Variants in CFAP96 observed in about 807,000 individuals in gnomAD.
The protein encoded by CFAP96 is cilia-and flagella-associated protein 96.
the CFAP96 span, chr4:185,425,757 C>T: frequency 2.0e-6 from 3 of 1,514,386 alleles, no homozygotes; most frequent in African/African-American, 1.4e-5. Flanking sequence ...CAGCTGCCAT[C>T]TTGGACCCCG....
the CFAP96 span, among the ~76,000 whole-genome samples, chr4:185,421,168 G>T: frequency 3.3e-5 from 5 of 152,186 alleles, no homozygotes; most frequent in Non-Finnish European, 5.9e-5. Context: ...GTTTAATGTA[G>T]TCTGGTGGCA....
chr4:185,442,611 T>C, the CFAP96 span, among the ~76,000 whole-genome samples: 2 of 152,192 alleles, frequency 1.3e-5, no homozygotes, highest in Non-Finnish European at 2.9e-5. Flanking sequence ...CTCATATATA[T>C]GTATTTTTTT....
At chr4:185,438,887 A>G in the CFAP96 span, among the ~76,000 whole-genome samples, 1 of 152,182 alleles carries the variant, frequency 6.6e-6, no homozygotes, top group Non-Finnish European at 1.5e-5. Context: ...GATGGCAACC[A>G]CCACAATTCC....
At chr4:185,418,298 A>G in the CFAP96 span, 1 of 606,346 alleles carries the variant, frequency 1.6e-6, no homozygotes, top group Admixed American at 3.5e-5. Flanking sequence ...CAAACATATA[A>G]CTTTTGGCAA....
chr4:185,436,488 G>T, the CFAP96 span: 1 of 609,058 alleles, frequency 1.6e-6, no homozygotes, highest in Non-Finnish European at 2.9e-6. Flanking sequence ...GAGATGGGCG[G>T]ATCACGAGGT....
At chr4:185,434,814 C>G in the CFAP96 span, among the ~76,000 whole-genome samples, 2 of 152,088 alleles carry the variant, frequency 1.3e-5, no homozygotes, top group Admixed American at 6.6e-5. Flanking sequence ...TCTCAGCTCA[C>G]TGCAATCTCC....
chr4:185,440,032 ATTTT>A, the CFAP96 span, among the ~76,000 whole-genome samples: 1 of 148,284 alleles, frequency 6.7e-6, no homozygotes, highest in Non-Finnish European at 1.5e-5. Context: ...TATACATATA[ATTTT>A]TTTAATTATA....
At chr4:185,416,021 AAGG>A in the CFAP96 span, 1 of 548,874 alleles carries the variant, frequency 1.8e-6, no homozygotes, top group Non-Finnish European at 3.0e-6. Flanking sequence ...AGTAGAGAAC[AAGG>A]AGTTCAATCT....
At chr4:185,409,312 T>C in the CFAP96 span, among the ~76,000 whole-genome samples, 1 of 152,198 alleles carries the variant, frequency 6.6e-6, no homozygotes, top group Non-Finnish European at 1.5e-5. Context: ...TTCTTACTTA[T>C]AGTGCTAAGA....
chr4:185,436,396 T>C, the CFAP96 span: 11 of 1,391,688 alleles, frequency 7.9e-6, no homozygotes, highest in African/African-American at 2.9e-5. Flanking sequence ...ACCTTTCTTT[T>C]ATTTAGCTAA....
chr4:185,411,360 T>C, the CFAP96 span, among the ~76,000 whole-genome samples: 1 of 152,066 alleles, frequency 6.6e-6, no homozygotes, highest in African/African-American at 2.4e-5. Flanking sequence ...CACTCTTATA[T>C]AAACTTCTCT....
chr4:185,441,082 C>G, the CFAP96 span, among the ~76,000 whole-genome samples: 5 of 151,920 alleles, frequency 3.3e-5, no homozygotes, highest in Non-Finnish European at 7.4e-5. Context: ...TCCAGAGTAG[C>G]TGAGATTACA....
chr4:185,424,748 C>T, the CFAP96 span, among the ~76,000 whole-genome samples: 2 of 152,090 alleles, frequency 1.3e-5, no homozygotes, highest in Non-Finnish European at 2.9e-5. Context: ...CAGGAAAGAA[C>T]AAATTTTAAC....
At chr4:185,430,741 A>G in the CFAP96 span, among the ~76,000 whole-genome samples, 1 of 151,980 alleles carries the variant, frequency 6.6e-6, no homozygotes, top group African/African-American at 2.4e-5. Context: ...TGTCTCTACA[A>G]AAAATACAAA....
the CFAP96 span, among the ~76,000 whole-genome samples, chr4:185,436,559 A>T: frequency 6.6e-6 from 1 of 151,948 alleles, no homozygotes; most frequent in East Asian, 1.9e-4. Context: ...ATCTTACAAA[A>T]ATTAGCCAGG....
chr4:185,420,588 G>A, the CFAP96 span, among the ~76,000 whole-genome samples: 11 of 152,210 alleles, frequency 7.2e-5, no homozygotes, highest in South Asian at 1.9e-3. Flanking sequence ...TAACAAATCA[G>A]ATATTAAAAT....
the CFAP96 span, among the ~76,000 whole-genome samples, chr4:185,424,596 G>A: frequency 6.6e-6 from 1 of 152,088 alleles, no homozygotes; most frequent in East Asian, 1.9e-4. Flanking sequence ...TTATTCTACC[G>A]TTGTTCATCA....
the CFAP96 span, chr4:185,425,885 T>A: frequency 6.3e-7 from 1 of 1,599,724 alleles, no homozygotes; most frequent in South Asian, 1.1e-5. Context: ...GACGTGGCGG[T>A]GACACGGGCG....
At chr4:185,439,378 C>G in the CFAP96 span, among the ~76,000 whole-genome samples, 1 of 151,998 alleles carries the variant, frequency 6.6e-6, no homozygotes, top group Non-Finnish European at 1.5e-5. Flanking sequence ...CAAGCAAGGG[C>G]AAGAGAAAAA....
Sources: gnomAD v4.1 joint callset for allele counts (sites outside exome capture counted in the v4.1 genomes callset) on GRCh38, gnomAD v4.1.1 for gene constraint, MANE v1.5 for transcripts, NCBI Gene and HGNC (gene_info 2026-07-23, HGNC 2026-07-21) for gene names.